The following TTC29 variants were observed in gnomAD, a reference collection of about 807,000 sequenced individuals.
TTC29 encodes the protein tetratricopeptide repeat protein 29.
Under a neutral mutation model 58.1 loss-of-function variants are expected in TTC29, and 49 were observed. The observed-to-expected ratio is 0.84, with a 90% confidence interval of 0.67 to 1.07. The LOEUF is 1.07. Among genes scored for constraint, TTC29 ranks in the 50% least tolerant of loss-of-function variants. The pLI, the probability that TTC29 is intolerant of heterozygous loss-of-function variation, is 0.00. For missense variants in TTC29, 582 were observed against 555.6 expected, an observed-to-expected ratio of 1.05 and a Z score of -0.48; for synonymous variants, 209 against 196.8, an observed-to-expected ratio of 1.06 and a Z score of -0.52.
At chr4:146,712,321 C>T (rs79826258) in intron 11 of TTC29, among the ~76,000 whole-genome samples, 3,259 of 152,182 alleles carry the variant, frequency 0.021, 114 homozygotes, top group African/African-American at 0.075. Context: ...AATCACATTA[C>T]GAAAGCTGTC....
At chr4:146,926,922 A>T (rs1734972948) in intron 4 of TTC29, among the ~76,000 whole-genome samples, 1 of 151,864 alleles carries the variant, frequency 6.6e-6, no homozygotes, top group South Asian at 2.1e-4. Context: ...CCTTATGACA[A>T]CCCACATTAA....
intron 9 of TTC29, among the ~76,000 whole-genome samples, chr4:146,823,119 T>C (rs1751955657): frequency 6.6e-6 from 1 of 152,202 alleles, no homozygotes; most frequent in Admixed American, 6.5e-5. Flanking sequence ...TAGATCCCAT[T>C]TGTGAATTTT....
intron 10 of TTC29, among the ~76,000 whole-genome samples, chr4:146,804,445 A>T (rs112504713): frequency 6.6e-6 from 1 of 152,260 alleles, no homozygotes; most frequent in African/African-American, 2.4e-5. Flanking sequence ...AGCTCAGCGA[A>T]TCCCACCTGC....
At chr4:146,736,215 C>T (rs1579556929) in intron 11 of TTC29, among the ~76,000 whole-genome samples, 1 of 151,010 alleles carries the variant, frequency 6.6e-6, no homozygotes, top group South Asian at 2.1e-4. Context: ...TTGGCTCAAC[C>T]TTTGGCTGGG....
chr4:146,800,669 T>G (rs1205560220), intron 11 of TTC29, among the ~76,000 whole-genome samples: 2 of 152,212 alleles, frequency 1.3e-5, no homozygotes, highest in Non-Finnish European at 2.9e-5. Context: ...ACTACACATT[T>G]TGTTTAAAAA....
chr4:146,908,861 C>T (rs1733701124), intron 5 of TTC29, among the ~76,000 whole-genome samples, 165 bp downstream of exon 5: 2 of 152,194 alleles, frequency 1.3e-5, no homozygotes, highest in Admixed American at 6.5e-5. Flanking sequence ...CCTCGTGATC[C>T]AACATTCCCT....
chr4:146,928,573 A>G (rs1408883473), intron 4 of TTC29, among the ~76,000 whole-genome samples: 1 of 152,210 alleles, frequency 6.6e-6, no homozygotes, highest in Non-Finnish European at 1.5e-5. Flanking sequence ...GGATACTGTT[A>G]TAGGTGCTGG....
intron 11 of TTC29, among the ~76,000 whole-genome samples, chr4:146,744,648 G>A (rs1216575289): frequency 6.6e-6 from 1 of 152,112 alleles, no homozygotes; most frequent in African/African-American, 2.4e-5. Flanking sequence ...TGCTGAGCAG[G>A]ATGGGTGGCA....
chr4:146,849,848 C>T (rs890894527), intron 8 of TTC29, among the ~76,000 whole-genome samples: 1 of 152,102 alleles, frequency 6.6e-6, no homozygotes, highest in Admixed American at 6.5e-5. Context: ...GTGCTTCCCT[C>T]GAGTATCTGC....
At chr4:146,909,271 C>T (rs1172784244) in intron 4 of TTC29, 22 bp from the exon 5 acceptor site, 2 of 1,548,980 alleles carry the variant, frequency 1.3e-6, no homozygotes, top group Admixed American at 3.5e-5. Context: ...AATCAGAACA[C>T]TCTCAGGTTT....
chr4:146,851,384 T>C (rs1370604991), intron 8 of TTC29, among the ~76,000 whole-genome samples: 1 of 152,172 alleles, frequency 6.6e-6, no homozygotes, highest in Admixed American at 6.5e-5. Context: ...GCCAACCTCC[T>C]AATCACTAGA....
At chr4:146,841,045 T>A (rs1046546048) in intron 8 of TTC29, among the ~76,000 whole-genome samples, 9 of 152,166 alleles carry the variant, frequency 5.9e-5, no homozygotes, top group Non-Finnish European at 8.8e-5. Context: ...TCTTTCTGAT[T>A]TCAAAGAAAG....
chr4:146,733,905 C>A (rs1006771217), intron 11 of TTC29, among the ~76,000 whole-genome samples: 1 of 152,112 alleles, frequency 6.6e-6, no homozygotes, highest in African/African-American at 2.4e-5. Context: ...ATTCATGAGA[C>A]TGTCTAACTT....
intron 8 of TTC29, among the ~76,000 whole-genome samples, chr4:146,863,500 TA>T (rs1179943821): frequency 3.9e-5 from 6 of 152,208 alleles, no homozygotes; most frequent in African/African-American, 1.4e-4. Context: ...AGCAATAGGA[TA>T]GATGCAAAAT....
chr4:146,750,591 T>C (rs1361535428), intron 11 of TTC29, among the ~76,000 whole-genome samples: 3 of 152,062 alleles, frequency 2.0e-5, no homozygotes, highest in Non-Finnish European at 2.9e-5. Context: ...ACATAACTTG[T>C]TGAGGAAGGA....
At chr4:146,725,584 G>C (rs529877456) in intron 11 of TTC29, among the ~76,000 whole-genome samples, 6 of 152,006 alleles carry the variant, frequency 3.9e-5, no homozygotes, top group Non-Finnish European at 8.8e-5. Flanking sequence ...CTAATTCCAC[G>C]TAACTAAATT....
At chr4:146,855,565 T>C (rs1325435917) in intron 8 of TTC29, among the ~76,000 whole-genome samples, 4 of 152,176 alleles carry the variant, frequency 2.6e-5, no homozygotes, top group Non-Finnish European at 5.9e-5. Context: ...AATTACTGGG[T>C]AAAAGAGTTT....
intron 8 of TTC29, among the ~76,000 whole-genome samples, chr4:146,863,668 T>G (rs1013021282): frequency 2.0e-5 from 3 of 152,210 alleles, no homozygotes; most frequent in Admixed American, 1.3e-4. Context: ...GCCGTGATTA[T>G]AGAGGCTGAG....
rs757148154 is a variant in TTC29, at chr4:146,849,479, A to T, written c.886-15582T>A. ...TTGCCAGAAGCTATCCTCCACTCAC[A>T]TACAGGGACATTCATCGCAGCCCAG... On this transcript the variant is annotated intron_variant, in intron 8 of 12. Transcript: ENST00000325106. Among the ~76,000 whole-genome samples the T allele has an allele frequency of 2.0e-5, 3 of 152,124 alleles. No homozygotes were observed. The South Asian group carries it at 6.2e-4, about 32-fold the overall frequency.
Sources: allele counts gnomAD v4.1 joint callset (sites outside exome capture counted in the v4.1 genomes callset), GRCh38; gene constraint gnomAD v4.1.1; transcripts MANE v1.5; gene names NCBI Gene and HGNC (gene_info 2026-07-23, HGNC 2026-07-21).